Variants in CDH13 observed in about 807,000 individuals in gnomAD.
CDH13 encodes cadherin 13.
In CDH13, 24 loss-of-function variants were observed where a neutral mutation model predicts 63.8. The observed-to-expected ratio is 0.38, with a 90% CI of 0.27 to 0.53. The LOEUF (loss-of-function observed/expected upper bound fraction) is 0.53. CDH13 is among the 20% of genes least tolerant of loss of function. CDH13 has a pLI of 0.85. For synonymous variants in CDH13, 503 were observed against 355.3 expected (o/e 1.42, Z -4.67); for missense variants, 1,049 against 903.1 (o/e 1.16, Z -2.07).
chr16:83,631,800 C>T (rs372557247), intron 8 of CDH13, among the ~76,000 whole-genome samples: 9 of 152,294 alleles, frequency 5.9e-5, no homozygotes, highest in African/African-American at 9.6e-5. Flanking sequence ...TCACTGCTGC[C>T]GCCAATGAAC....
At chr16:82,994,015 TG>T (rs1284352780) in intron 2 of CDH13, among the ~76,000 whole-genome samples, 1 of 152,130 alleles carries the variant, frequency 6.6e-6, no homozygotes, top group Admixed American at 6.5e-5. Context: ...GGAACGGAAA[TG>T]TCTTCTGCAG....
chr16:82,905,115 G>A (rs540199905), intron 2 of CDH13, among the ~76,000 whole-genome samples: 13 of 152,308 alleles, frequency 8.5e-5, no homozygotes, highest in African/African-American at 3.1e-4. Flanking sequence ...GGGAAGCAGA[G>A]GCAGTGCCAT....
chr16:82,635,549 T>C (rs929987311), intron 1 of CDH13, among the ~76,000 whole-genome samples: 1 of 152,148 alleles, frequency 6.6e-6, no homozygotes, highest in African/African-American at 2.4e-5. Context: ...TTGAGGGTAC[T>C]GAGGGAAAGG....
intron 6 of CDH13, among the ~76,000 whole-genome samples, chr16:83,455,580 G>A (rs1422469171): frequency 1.3e-5 from 2 of 152,106 alleles, no homozygotes; most frequent in African/African-American, 4.8e-5. Context: ...GCTCCTTCTT[G>A]TGCTCTTCTC....
chr16:83,583,212 C>A (rs571831922), intron 7 of CDH13, among the ~76,000 whole-genome samples: 12 of 152,148 alleles, frequency 7.9e-5, no homozygotes, highest in Non-Finnish European at 1.8e-4. Flanking sequence ...ATTTAGGGCA[C>A]ACCCAGCTAA....
chr16:83,662,607 A>G (rs1320175609), intron 8 of CDH13, among the ~76,000 whole-genome samples: 2 of 152,296 alleles, frequency 1.3e-5, no homozygotes, highest in Non-Finnish European at 2.9e-5. Flanking sequence ...GAAGACAGGC[A>G]TGTGGGGGGT....
chr16:83,796,004 A>G lies in CDH13; in HGVS notation c.*974A>G, dbSNP rs1164069347. 1.3e-5 allele frequency: 2 copies of G among 152,656 alleles called. No homozygotes were observed. The highest frequency in any genetic ancestry group is 4.8e-5 in the African/African-American group (2 of 41,452). 9.5% of individuals were successfully genotyped at this position (152,656 alleles called of 1,614,324 possible). Reference sequence around the variant, plus strand: ...TATATACCCACATGTACAGACATACATTTATGCACATTCACGCTGTTTGTT... The same window carrying G: ...TATATACCCACATGTACAGACATACGTTTATGCACATTCACGCTGTTTGTT... On this transcript the variant is annotated 3_prime_UTR_variant, in exon 14 of 14. Transcript: ENST00000567109.
chr16:83,628,138 A>T (rs1017203930), intron 8 of CDH13, among the ~76,000 whole-genome samples: 2 of 151,888 alleles, frequency 1.3e-5, no homozygotes, highest in Non-Finnish European at 2.9e-5. Context: ...TCCTGTGCCA[A>T]CCTCCCATCT....
At position 83,107,791 on chromosome 16, in the gene CDH13, CTTTTCTTTTCTT is replaced by C. The variant is rs1031826342; in HGVS notation, c.367-17579_367-17568del. 1.6e-4 allele frequency among the ~76,000 whole-genome samples: 23 copies of C among 147,672 alleles called. No individual in the cohort carries two copies. The South Asian group carries it at 2.4e-3, about 15-fold the overall frequency. On this transcript the variant is annotated intron_variant, in intron 3 of 13. Transcript: ENST00000567109. ...ATTCCTCTGACTCTTTGTCCCTCCT[CTTTTCTTTTCTT>C]TTTTCTTTTCTTTTCCTTTTGCTTT... is the stretch of plus-strand genomic sequence containing the variant.
chr16:83,017,344 A>T (rs1419709999), intron 2 of CDH13, among the ~76,000 whole-genome samples: 5 of 152,204 alleles, frequency 3.3e-5, no homozygotes, highest in Non-Finnish European at 7.3e-5. Context: ...CTCAAGACAC[A>T]GACTCTTTGA....
At chr16:82,908,129 G>A (rs1473659916) in intron 2 of CDH13, among the ~76,000 whole-genome samples, 3 of 152,074 alleles carry the variant, frequency 2.0e-5, no homozygotes, top group Non-Finnish European at 4.4e-5. Context: ...TTGAGGAAAG[G>A]AGCTAGGGTC....
intron 1 of CDH13, among the ~76,000 whole-genome samples, chr16:82,630,811 G>A (rs1347720034): frequency 6.6e-6 from 1 of 152,154 alleles, no homozygotes; most frequent in Non-Finnish European, 1.5e-5. Context: ...CATCTACGTA[G>A]CCAACAGTGT....
chr16:83,156,235 T>C (rs2037202029), intron 4 of CDH13, among the ~76,000 whole-genome samples: 1 of 152,328 alleles, frequency 6.6e-6, no homozygotes, highest in Middle Eastern at 3.4e-3. Flanking sequence ...TCAGCTCACA[T>C]TGACATGGCA....
chr16:83,257,348 C>A (rs1006413676), intron 5 of CDH13, among the ~76,000 whole-genome samples: 1 of 151,990 alleles, frequency 6.6e-6, no homozygotes, highest in African/African-American at 2.4e-5. Flanking sequence ...AATAGAATGA[C>A]AGAATAAGAA....
Position 83,344,889 on chromosome 16 carries a change from G to A in CDH13, c.664G>A (p.Gly222Ser). 1.2e-6 allele frequency: 2 copies of A among 1,613,876 alleles called. No homozygotes were observed. Among genetic ancestry groups the A allele is most frequent in the East Asian group, 4.5e-5 (2 of 44,882 alleles). Residue 222 changes from glycine to serine, a missense_variant, in exon 6 of 14, where the codon GGC (glycine) becomes AGC (serine). Physicochemically the swap from Gly to Ser is moderately conservative, Grantham distance 56. Transcript: ENST00000567109. ...QLFVETTDVN[G>S]KTLEGPVPLE... Reference sequence around the variant, plus strand: ...ATTTGTGGAGACCACTGATGTCAATGGCAAAACTCTCGAGGGGCCGGTGCC... The same window carrying A: ...ATTTGTGGAGACCACTGATGTCAATAGCAAAACTCTCGAGGGGCCGGTGCC...
intron 2 of CDH13, among the ~76,000 whole-genome samples, chr16:82,895,852 C>T (rs1045475521): frequency 2.6e-5 from 4 of 152,154 alleles, no homozygotes; most frequent in African/African-American, 7.2e-5. Flanking sequence ...ACTTGCAGTA[C>T]GTCAAGCCAG....
chr16:83,763,118 C>G (rs1914109710), intron 11 of CDH13, among the ~76,000 whole-genome samples: 1 of 152,050 alleles, frequency 6.6e-6, no homozygotes, highest in South Asian at 2.1e-4. Flanking sequence ...TAAAACAAGC[C>G]AAATTACCAC....
At chr16:83,090,482 G>C (rs1313048878) in intron 3 of CDH13, among the ~76,000 whole-genome samples, 1 of 151,664 alleles carries the variant, frequency 6.6e-6, no homozygotes, top group African/African-American at 2.4e-5. Flanking sequence ...GCTGAGGCGG[G>C]AGAATCGCTT....
Position 83,011,803 on chromosome 16 carries a change from G to A in CDH13, c.158-20207G>A, listed in dbSNP as rs995727989. The stretch of plus-strand genomic sequence containing the variant: ...TCCCAAACTTCTACAGCCAAACCCA[G>A]CAAGTGTTCAGTTCAGCAGAACAAA... On this transcript the variant is annotated intron_variant, in intron 2 of 13. Transcript: ENST00000567109. 5.3e-5 allele frequency among the ~76,000 whole-genome samples: 8 copies of A among 152,148 alleles called. No individual in the cohort carries two copies. The South Asian group carries it at 1.7e-3, about 32-fold the overall frequency.
Sources: gnomAD v4.1 joint callset for allele counts (sites outside exome capture counted in the v4.1 genomes callset) on GRCh38, gnomAD v4.1.1 for gene constraint, MANE v1.5 for transcripts, NCBI Gene and HGNC (gene_info 2026-07-23, HGNC 2026-07-21) for gene names.